The following UBE2QL1 variants were observed in gnomAD, a reference collection of about 807,000 sequenced individuals.
UBE2QL1 encodes the protein ubiquitin conjugating enzyme E2 QL1, also known as ubiquitin-conjugating enzyme E2Q-like protein 1.
In UBE2QL1, 5 loss-of-function variants were observed where a neutral mutation model predicts 12.6. That is an observed-to-expected ratio of 0.40 (90% confidence interval 0.21 to 0.83). UBE2QL1 has a LOEUF of 0.83. Among genes scored for constraint, UBE2QL1 ranks in the 40% least tolerant of loss-of-function variants. The probability of loss-of-function intolerance (pLI) is 0.37; values close to 1 mark genes in which losing one functional copy is unlikely to be tolerated. For synonymous variants in UBE2QL1, 96 were observed against 94.5 expected, an observed-to-expected ratio of 1.02 and a Z score of -0.10; for missense variants, 99 against 222.6, an observed-to-expected ratio of 0.44 and a Z score of 3.53.
At chr5:6,454,633 C>T (rs1739480275) in intron 1 of UBE2QL1, among the ~76,000 whole-genome samples, 2 of 152,178 alleles carry the variant, frequency 1.3e-5, no homozygotes, top group African/African-American at 4.8e-5. Flanking sequence ...GATGAAGCCA[C>T]ACGGAGGGAG....
chr5:6,487,690 G>A (rs774488821), intron 1 of UBE2QL1, among the ~76,000 whole-genome samples: 1 of 152,246 alleles, frequency 6.6e-6, no homozygotes, highest in Non-Finnish European at 1.5e-5. Flanking sequence ...GCTGTTAATT[G>A]TATGAAGTTC....
chr5:6,489,346 C>A (rs1734521912), intron 1 of UBE2QL1, among the ~76,000 whole-genome samples: 1 of 151,972 alleles, frequency 6.6e-6, no homozygotes, highest in African/African-American at 2.4e-5. Flanking sequence ...ATTGTTTGAG[C>A]CCAGGAGTTT....
At chr5:6,490,515 C>T (rs745622447) in intron 1 of UBE2QL1, among the ~76,000 whole-genome samples, 3 of 152,214 alleles carry the variant, frequency 2.0e-5, no homozygotes, top group Non-Finnish European at 2.9e-5. Flanking sequence ...GCCCCACCCC[C>T]TCCCGGGATC....
chr5:6,460,283 A>G (rs1229555105), intron 1 of UBE2QL1, among the ~76,000 whole-genome samples: 3 of 152,212 alleles, frequency 2.0e-5, no homozygotes, highest in African/African-American at 2.4e-5. Context: ...AAATGATGAC[A>G]CGTGTTCCTT....
At chr5:6,483,458 AT>A (rs1362219442) in intron 1 of UBE2QL1, among the ~76,000 whole-genome samples, 1 of 145,474 alleles carries the variant, frequency 6.9e-6, no homozygotes, top group Non-Finnish European at 1.5e-5. Context: ...AAAAAAAAAA[AT>A]GAGGAGCCCA....
Position 6,463,630 on chromosome 5 carries a change from TA to T in UBE2QL1, c.354+14384del, listed in dbSNP as rs1211090178. ...TTATTATTATTATTATTATTATTATTATTATTATTATTTTTGATGCGGAGTC... is the reference window on the plus strand; with the variant it reads ...TTATTATTATTATTATTATTATTATTTTATTATTATTTTTGATGCGGAGTC... On this transcript the variant is annotated intron_variant, in intron 1 of 1. Coordinates refer to ENST00000399816, the MANE Select transcript of UBE2QL1 (RefSeq NM_001145161.3). Among the ~76,000 whole-genome samples, 159 of 146,628 alleles carry T rather than the reference TA, an allele frequency of 1.1e-3. 1 individual carries two copies. The highest frequency in any genetic ancestry group is 3.8e-3 in the African/African-American group (152 of 39,554).
chr5:6,482,660 T>A (rs2126366688), intron 1 of UBE2QL1, among the ~76,000 whole-genome samples: 2 of 152,316 alleles, frequency 1.3e-5, no homozygotes, highest in African/African-American at 4.8e-5. Context: ...GAGACATTTT[T>A]GGTTGCCACC....
chr5:6,489,929 G>A (rs1021178758), intron 1 of UBE2QL1, among the ~76,000 whole-genome samples: 4 of 152,218 alleles, frequency 2.6e-5, no homozygotes, highest in African/African-American at 4.8e-5. Context: ...CCAGTGCCCC[G>A]AATTGGAAGT....
At chr5:6,485,826 A>T (rs1181874557) in intron 1 of UBE2QL1, among the ~76,000 whole-genome samples, 1 of 152,252 alleles carries the variant, frequency 6.6e-6, no homozygotes, top group African/African-American at 2.4e-5. Context: ...CTAATCAAGT[A>T]AGTATAGAAT....
At position 6,448,929 on chromosome 5, in the gene UBE2QL1, C is replaced by T; in HGVS notation, c.36C>T (p.Asp12=). The change falls in exon 1 of 2, where the codon GAC becomes GAT. Residue 12 remains aspartate, a synonymous_variant. Coordinates refer to ENST00000399816, the MANE Select transcript of UBE2QL1 (RefSeq NM_001145161.3). ...KELQDIARLS[D]RFISVELVDE... ...TGCAGGACATCGCGCGCCTTAGCGA[C>T]CGCTTCATCTCCGTGGAGCTGGTGG... 1 of 1,543,228 alleles carries T rather than the reference C, an allele frequency of 6.5e-7. No homozygotes were observed. The highest frequency in any genetic ancestry group is 8.7e-7 in the Non-Finnish European group (1 of 1,143,542).
intron 1 of UBE2QL1, among the ~76,000 whole-genome samples, chr5:6,451,625 AT>A (rs555934674): frequency 5.3e-5 from 8 of 152,286 alleles, no homozygotes; most frequent in Admixed American, 2.0e-4. Flanking sequence ...ATTTCTTTGC[AT>A]TTTTTCATGC....
At chr5:6,469,101 A>T (rs962766719) in intron 1 of UBE2QL1, among the ~76,000 whole-genome samples, 3 of 152,178 alleles carry the variant, frequency 2.0e-5, no homozygotes, top group Admixed American at 2.0e-4. Flanking sequence ...TGGAATCTTG[A>T]ACTCTGCAAG....
intron 1 of UBE2QL1, among the ~76,000 whole-genome samples, chr5:6,483,739 G>A (rs1734410946): frequency 6.6e-6 from 1 of 152,186 alleles, no homozygotes; most frequent in African/African-American, 2.4e-5. Context: ...CAGGGCCATG[G>A]AGGAGAGTCG....
At position 6,478,791 on chromosome 5, in the gene UBE2QL1, A is replaced by G. The variant is rs1734290156; in HGVS notation, c.355-12427A>G. Among the ~76,000 whole-genome samples the G allele has an allele frequency of 6.6e-6, 1 of 152,186 alleles. No individual in the cohort carries two copies. The highest frequency in any genetic ancestry group is 1.5e-5 in the Non-Finnish European group (1 of 68,030). Reference sequence around the variant, plus strand: ...ACCACAGGCAAGGGCTTAGGGCTGCAGGTGGATGATCTCCTGCGCACGTGG... The same window carrying G: ...ACCACAGGCAAGGGCTTAGGGCTGCGGGTGGATGATCTCCTGCGCACGTGG... On this transcript the variant is annotated intron_variant, in intron 1 of 1. Transcript: ENST00000399816. The surrounding 1 kb of genome is among the most constrained non-coding windows in gnomAD (Gnocchi z 4.5).
At chr5:6,484,532 A>G (rs1170909642) in intron 1 of UBE2QL1, among the ~76,000 whole-genome samples, 1 of 152,156 alleles carries the variant, frequency 6.6e-6, no homozygotes, top group Non-Finnish European at 1.5e-5. Flanking sequence ...TACTCGTTGC[A>G]AAGGTTGCCC....
In UBE2QL1 at chr5:6,481,418, G is replaced by A. The variant is rs1466824639; in HGVS notation, c.355-9800G>A. 6.6e-6 allele frequency among the ~76,000 whole-genome samples: 1 copy of A among 152,180 alleles called. No homozygotes were observed. The highest frequency in any genetic ancestry group is 1.5e-5 in the Non-Finnish European group (1 of 68,030). On this transcript the variant is annotated intron_variant, in intron 1 of 1. Transcript: ENST00000399816. The surrounding 1 kb of genome is among the most constrained non-coding windows in gnomAD (Gnocchi z 4.5). ...ACATGGGTGCAGCGGCTAGGTGCAG[G>A]GAGGGTGACCTGCTCACGGGCCTAT...
At chr5:6,480,268 T>C (rs1734332775) in intron 1 of UBE2QL1, among the ~76,000 whole-genome samples, 1 of 152,226 alleles carries the variant, frequency 6.6e-6, no homozygotes, top group Admixed American at 6.5e-5. Context: ...AAGCACCTTA[T>C]TGATCTGTGT....
At chr5:6,472,420 C>T (rs1056400139) in intron 1 of UBE2QL1, among the ~76,000 whole-genome samples, 5 of 152,026 alleles carry the variant, frequency 3.3e-5, no homozygotes, top group African/African-American at 9.7e-5. Flanking sequence ...TGGAAGCGGC[C>T]GATCGACACA....
chr5:6,449,489 CCCGTCTCTCTGGTATCGGTCTCTG>C lies in UBE2QL1; in HGVS notation c.354+256_354+279del, dbSNP rs200795788. Among the ~76,000 whole-genome samples, 1,519 of 152,230 alleles carry C rather than the reference CCCGTCTCTCTGGTATCGGTCTCTG, an allele frequency of 1.0e-2. 23 individuals carry two copies. The highest frequency in any genetic ancestry group is 0.035 in the African/African-American group (1,451 of 41,534). Reference sequence around the variant, plus strand: ...CGTCCCCGTCTGGTCTCAGTCTCTGCCCGTCTCTCTGGTATCGGTCTCTGCCGTCTCTCTGGTCTCTCTAGCTTG... The same window carrying C: ...CGTCCCCGTCTGGTCTCAGTCTCTGCCCGTCTCTCTGGTCTCTCTAGCTTG... On this transcript the variant is annotated intron_variant, in intron 1 of 1. Transcript: ENST00000399816.
Sources: allele counts gnomAD v4.1 joint callset (sites outside exome capture counted in the v4.1 genomes callset), GRCh38; gene constraint gnomAD v4.1.1; non-coding constraint Gnocchi (gnomAD v3.1); transcripts MANE v1.5; gene names NCBI Gene and HGNC (gene_info 2026-07-23, HGNC 2026-07-21).